The following METTL8 variants were observed in gnomAD, a reference collection of about 807,000 sequenced individuals.
The protein encoded by METTL8 is tRNA N(3)-cytidine methyltransferase METTL8, mitochondrial.
Under a neutral mutation model 48.7 loss-of-function variants are expected in METTL8, and 32 were observed. That is an observed-to-expected ratio of 0.66 (90% CI 0.50 to 0.88). The LOEUF is 0.88. Ranked by LOEUF, METTL8 falls within the 40% of genes least tolerant of loss-of-function variation. The pLI, the probability that METTL8 is intolerant of heterozygous loss-of-function variation, is 0.00. For synonymous variants in METTL8, 136 were observed against 157.1 expected, an observed-to-expected ratio of 0.87 and a Z score of 1.01; for missense variants, 464 against 474.4, an observed-to-expected ratio of 0.98 and a Z score of 0.20.
In METTL8 at chr2:171,318,824, C is replaced by G. The variant is rs754924164; in HGVS notation, c.*5348G>C. 4 of 151,832 alleles carry G rather than the reference C, an allele frequency of 2.6e-5. No individual in the cohort carries two copies. Among genetic ancestry groups the G allele is most frequent in the Non-Finnish European group, 5.9e-5 (4 of 68,010 alleles). The allele number at this position is 151,832 out of a possible 1,614,324, so 9.4% of individuals were successfully genotyped here. ...GGTGCCTTTCCCAGCAGCATTTGGG[C>G]CCATCCATTACAAGAGCAGCAAGTA... On this transcript the variant is annotated 3_prime_UTR_variant, in exon 10 of 10. Coordinates refer to ENST00000375258, the MANE Select transcript of METTL8 (RefSeq NM_001321154.2).
intron 3 of METTL8, among the ~76,000 whole-genome samples, chr2:171,358,780 G>C (rs1357251327): frequency 2.0e-5 from 3 of 152,086 alleles, no homozygotes; most frequent in African/African-American, 4.8e-5. Context: ...TTTGTCAAAA[G>C]ATTTCAAAAG....
Position 171,416,831 on chromosome 2 carries a change from A to G in METTL8, c.-13+17052T>C, listed in dbSNP as rs112500313. Among the ~76,000 whole-genome samples the G allele has an allele frequency of 3.0e-3, 454 of 152,338 alleles. 4 individuals carry two copies. The highest frequency in any genetic ancestry group is 0.01 in the African/African-American group (435 of 41,590). On this transcript the variant is annotated intron_variant, in intron 1 of 9. Coordinates refer to ENST00000375258, the MANE Select transcript of METTL8 (RefSeq NM_001321154.2). ...TCTCCAAGCAGGCTCCTGACTCCAG[A>G]TTCTATGTTCTACTTAGTACGCTAT...
upstream of METTL8, chr2:171,434,335 C>G (rs886055102): frequency 2.8e-6 from 2 of 703,788 alleles, no homozygotes; most frequent in Non-Finnish European, 5.0e-6. Context: ...GCCAGAGAGC[C>G]TGGGGCAGAT....
At chr2:171,420,422 ATAT>A (rs10579062) in intron 1 of METTL8, among the ~76,000 whole-genome samples, 1,694 of 152,350 alleles carry the variant, frequency 0.011, 35 homozygotes, top group Admixed American at 0.047. Context: ...TTGAAAGCAT[ATAT>A]TATTAACAGA....
At chr2:171,358,898 G>A (rs1463190916) in intron 3 of METTL8, among the ~76,000 whole-genome samples, 4 of 152,138 alleles carry the variant, frequency 2.6e-5, no homozygotes, top group African/African-American at 4.8e-5. Flanking sequence ...CAGAATGGAA[G>A]AATATATTTG....
intron 3 of METTL8, among the ~76,000 whole-genome samples, chr2:171,352,363 C>T (rs926749147): frequency 6.6e-6 from 1 of 152,064 alleles, no homozygotes; most frequent in African/African-American, 2.4e-5. Flanking sequence ...TTCAGTTTGC[C>T]AGTATTTTAT....
intron 1 of METTL8, among the ~76,000 whole-genome samples, chr2:171,405,756 A>G (rs1189981748): frequency 6.6e-6 from 1 of 152,208 alleles, no homozygotes; most frequent in Non-Finnish European, 1.5e-5. Flanking sequence ...AAATAAGTAC[A>G]CAGAAAACAC....
Position 171,323,811 on chromosome 2 carries a change from G to A in METTL8, c.*361C>T, listed in dbSNP as rs1433223787. The A allele has an allele frequency of 6.1e-6, 1 of 164,644 alleles. No individual in the cohort carries two copies. The highest frequency in any genetic ancestry group is 1.3e-5 in the Non-Finnish European group (1 of 76,770). 10.2% of individuals were successfully genotyped at this position (164,644 alleles called of 1,614,324 possible). A position where few individuals can be genotyped will look rare whatever the true frequency, so the allele number is the denominator to read the frequency against. ...CTGTGTTTGGGAACTGGTTTACTAA[G>A]CCTAAACAAATAAACAATTTTTTTT... On this transcript the variant is annotated 3_prime_UTR_variant, in exon 10 of 10. Transcript: ENST00000375258.
rs150800956 is a variant in METTL8, at chr2:171,331,375, C to T, written c.720+429G>A. On this transcript the variant is annotated intron_variant, in intron 6 of 9. Coordinates refer to ENST00000375258, the MANE Select transcript of METTL8 (RefSeq NM_001321154.2). ...CCGCCTGCCTCGGCCTCCCAAAGTG[C>T]TGGGATTACAGGCGTGAGCCACCAT... Among the ~76,000 whole-genome samples the T allele has an allele frequency of 9.0e-3, 1,360 of 150,638 alleles. 30 individuals are homozygous for T. The highest frequency in any genetic ancestry group is 0.032 in the African/African-American group (1,307 of 41,132).
At chr2:171,355,257 A>G (rs1453581610) in intron 3 of METTL8, among the ~76,000 whole-genome samples, 2 of 152,214 alleles carry the variant, frequency 1.3e-5, no homozygotes, top group African/African-American at 4.8e-5. Context: ...TAACCTAGGT[A>G]TCACCAGTGG....
intron 1 of METTL8, among the ~76,000 whole-genome samples, chr2:171,422,870 AACAT>A (rs967523722): frequency 6.6e-5 from 10 of 152,238 alleles, no homozygotes; most frequent in African/African-American, 2.2e-4. Flanking sequence ...TTGCTATAAC[AACAT>A]ACAGAGTCAA....
chr2:171,420,549 GT>G (rs1311819123), intron 1 of METTL8, among the ~76,000 whole-genome samples: 2 of 152,182 alleles, frequency 1.3e-5, no homozygotes, highest in East Asian at 3.9e-4. Context: ...GGATTAATAT[GT>G]TTTAAAAAGA....
At chr2:171,372,128 C>G (rs1341695680) in intron 2 of METTL8, among the ~76,000 whole-genome samples, 1 of 152,004 alleles carries the variant, frequency 6.6e-6, no homozygotes, top group Non-Finnish European at 1.5e-5. Context: ...TTAGTGGGAA[C>G]CTATATCTAT....
intron 2 of METTL8, among the ~76,000 whole-genome samples, chr2:171,382,575 A>G (rs1294616101): frequency 1.3e-5 from 2 of 152,130 alleles, no homozygotes; most frequent in Non-Finnish European, 2.9e-5. Flanking sequence ...GCAAGGGGAG[A>G]GACAGCATTA....
intron 2 of METTL8, among the ~76,000 whole-genome samples, chr2:171,365,755 C>T (rs1685652007): frequency 6.6e-6 from 1 of 152,210 alleles, no homozygotes; most frequent in South Asian, 2.1e-4. Context: ...TGGCAATGGA[C>T]TTACCCTCCT....
At chr2:171,419,613 C>T (rs558767356) in intron 1 of METTL8, among the ~76,000 whole-genome samples, 8 of 152,304 alleles carry the variant, frequency 5.3e-5, no homozygotes, top group South Asian at 2.1e-4. Context: ...TTTAGTCTTA[C>T]GGTCTCATTT....
rs1016174836 is a variant in METTL8, at chr2:171,403,784, G to A, written c.-12-11587C>T. ...TTTGTATGACTACAGACTATGATGT[G>A]AGGGGCAGACAGGTGGGGTGGGGAG... On this transcript the variant is annotated intron_variant, in intron 1 of 9. Coordinates refer to ENST00000375258, the MANE Select transcript of METTL8 (RefSeq NM_001321154.2). Among the ~76,000 whole-genome samples, 11 of 151,846 alleles carry A rather than the reference G, an allele frequency of 7.2e-5. No homozygotes were observed. In the South Asian group the frequency reaches 1.5e-3, roughly 20 times the overall value.
rs994738225 is a variant in METTL8 at position 171,352,288 on chromosome 2, G to GC, written c.235+8133dup. On this transcript the variant is annotated intron_variant, in intron 3 of 9. Coordinates refer to ENST00000375258, the MANE Select transcript of METTL8 (RefSeq NM_001321154.2). Reference sequence around the variant, plus strand: ...TTATGGATTTGTGTATGTTGAACCAGCCTTGCATCCCAGGGATGAAGCCCA... The same window carrying GC: ...TTATGGATTTGTGTATGTTGAACCAGCCCTTGCATCCCAGGGATGAAGCCCA... Among the ~76,000 whole-genome samples the GC allele has an allele frequency of 3.3e-5, 5 of 152,156 alleles. No individual in the cohort carries two copies. The East Asian group carries it at 9.6e-4, about 29-fold the overall frequency.
intron 1 of METTL8, among the ~76,000 whole-genome samples, chr2:171,404,731 TC>T (rs1482119719): frequency 6.6e-6 from 1 of 152,170 alleles, no homozygotes; most frequent in Non-Finnish European, 1.5e-5. Context: ...CGATGACTGA[TC>T]AATGAAAATC....
Sources: allele counts gnomAD v4.1 joint callset (sites outside exome capture counted in the v4.1 genomes callset), GRCh38; gene constraint gnomAD v4.1.1; transcripts MANE v1.5; gene names NCBI Gene and HGNC (gene_info 2026-07-23, HGNC 2026-07-21).